NTMT1: variants seen among roughly 807,000 people sequenced by gnomAD.
The protein encoded by NTMT1 is N-terminal Xaa-Pro-Lys N-methyltransferase 1, also known as N-terminal RCC1 methyltransferase.
In NTMT1, 8 loss-of-function variants were observed where a neutral mutation model predicts 17.5. That is an observed-to-expected ratio of 0.46 (90% CI 0.27 to 0.82). The LOEUF is 0.82. Among genes scored for constraint, NTMT1 ranks in the 40% least tolerant of loss-of-function variants. The pLI is 0.15. For synonymous variants in NTMT1, 128 were observed against 126.8 expected (o/e 1.01, Z -0.06); for missense variants, 221 against 303.5 (o/e 0.73, Z 2.02).
intron 1 of NTMT1, among the ~76,000 whole-genome samples, chr9:129,619,003 C>T (rs1359214116): frequency 6.6e-6 from 1 of 151,508 alleles, no homozygotes; most frequent in Admixed American, 6.6e-5. Flanking sequence ...TGTGAGCCAC[C>T]GTGCCCTGCC....
chr9:129,621,903 A>G (rs754893041), upstream of NTMT1, among the ~76,000 whole-genome samples: 9 of 152,100 alleles, frequency 5.9e-5, no homozygotes, highest in African/African-American at 1.9e-4. Context: ...TGTAGAGCCC[A>G]TCATCCCTGC....
rs374732466 is a variant in NTMT1, at chr9:129,613,447, T to C, written c.-55+4269T>C. On this transcript the variant is annotated intron_variant, in intron 1 of 3. Coordinates refer to the NTMT1 transcript ENST00000372486. The surrounding 1 kb of genome is among the most constrained non-coding windows in gnomAD (Gnocchi z 6.2). The stretch of plus-strand genomic sequence containing the variant: ...CCTGGAGCCTCACAGGCCAGCGCAG[T>C]CCCAACACGAGGAGCTGGCCAGGGT... 8 of 1,613,716 alleles carry C rather than the reference T, an allele frequency of 5.0e-6. No individual in the cohort carries two copies. Among genetic ancestry groups the C allele is most frequent in the Non-Finnish European group, 6.8e-6 (8 of 1,179,978 alleles).
chr9:129,631,999 T>C (rs1197585748), intron 1 of NTMT1, among the ~76,000 whole-genome samples: 2 of 152,176 alleles, frequency 1.3e-5, no homozygotes, highest in Non-Finnish European at 2.9e-5. Context: ...CCGTGAGTTG[T>C]TGCTGTGCTC....
chr9:129,615,882 A>G (rs145408014), intron 1 of NTMT1, among the ~76,000 whole-genome samples: 145 of 152,386 alleles, frequency 9.5e-4, no homozygotes, highest in African/African-American at 3.4e-3. Context: ...AAACGCTGTT[A>G]TCATTCTCAT....
chr9:129,632,759 A>G lies in NTMT1; in HGVS notation c.56A>G (p.Tyr19Cys). 1 of 1,614,230 alleles carries G rather than the reference A, an allele frequency of 6.2e-7. No individual in the cohort carries two copies. The highest frequency in any genetic ancestry group is 8.5e-7 in the Non-Finnish European group (1 of 1,180,034). ...CAATTCTATTCCAAGGCCAAGACCTACTGGAAACAAATCCCACCCACGGTG... is the reference window on the plus strand; with the variant it reads ...CAATTCTATTCCAAGGCCAAGACCTGCTGGAAACAAATCCCACCCACGGTG... ...EKQFYSKAKT[Y>C]WKQIPPTVDG... The change falls in exon 2 of 4, where the codon TAC becomes TGC. Residue 19 changes from tyrosine to cysteine, a missense_variant. By Grantham distance (194) the Tyr-to-Cys change is radical (BLOSUM62 -2). Coordinates refer to ENST00000372483, the MANE Select transcript of NTMT1 (RefSeq NM_014064.4).
At chr9:129,630,403 A>C (rs1290406638) in intron 1 of NTMT1, among the ~76,000 whole-genome samples, 1 of 152,152 alleles carries the variant, frequency 6.6e-6, no homozygotes, top group Non-Finnish European at 1.5e-5. Flanking sequence ...AGCTGTACTC[A>C]AGTCTGGCGA....
chr9:129,611,335 C>T (rs1194170248), intron 1 of NTMT1, among the ~76,000 whole-genome samples: 3 of 152,202 alleles, frequency 2.0e-5, no homozygotes, highest in Non-Finnish European at 4.4e-5. Context: ...AAACTTTCTC[C>T]AGGGGGCTGG....
chr9:129,630,395 C>G (rs1831099088), intron 1 of NTMT1, among the ~76,000 whole-genome samples: 1 of 152,122 alleles, frequency 6.6e-6, no homozygotes, highest in Non-Finnish European at 1.5e-5. Flanking sequence ...ATCACCTGAG[C>G]TGTACTCAAG....
Position 129,613,556 on chromosome 9 carries a change from C to A in NTMT1, c.-55+4378C>A. 6.2e-7 allele frequency: 1 copy of A among 1,614,188 alleles called. No individual in the cohort carries two copies. Among genetic ancestry groups the A allele is most frequent in the Non-Finnish European group, 8.5e-7 (1 of 1,180,022 alleles). ...CTCCCAAACACCCGCTCGGACGCCA[C>A]TGGCAGGGCGGCCTTCTGGTTCACA... is the stretch of plus-strand genomic sequence containing the variant. On this transcript the variant is annotated intron_variant, in intron 1 of 3. Transcript: ENST00000372486. This position sits in a 1 kb window ranked among gnomAD's most constrained non-coding sequence, Gnocchi z 6.2.
Position 129,613,060 on chromosome 9 carries a change from C to T in NTMT1, c.-55+3882C>T. 4 of 1,610,054 alleles carry T rather than the reference C, an allele frequency of 2.5e-6. No individual in the cohort carries two copies. Among genetic ancestry groups the T allele is most frequent in the South Asian group, 1.1e-5 (1 of 90,496 alleles). ...GGCTGCTCCCGGAGCCAGCTGCCAG[C>T]AGGGGCTCACCAGCTTCTAGGTCCA... On this transcript the variant is annotated intron_variant, in intron 1 of 3. Transcript: ENST00000372486. The surrounding 1 kb of genome is among the most constrained non-coding windows in gnomAD (Gnocchi z 6.2).
At chr9:129,621,360 A>C (rs1007319788), upstream of NTMT1, among the ~76,000 whole-genome samples, 17 of 152,244 alleles carry the variant, frequency 1.1e-4, no homozygotes, top group African/African-American at 4.1e-4. Flanking sequence ...TTGTTGTTAA[A>C]GAGATGGGGT....
At chr9:129,610,865 C>A (rs967362078) in intron 1 of NTMT1, among the ~76,000 whole-genome samples, 5 of 152,192 alleles carry the variant, frequency 3.3e-5, no homozygotes, top group African/African-American at 1.2e-4. Flanking sequence ...GGGGACGGGG[C>A]GTGAATGTCC....
intron 1 of NTMT1, among the ~76,000 whole-genome samples, chr9:129,618,854 G>A (rs1405791808): frequency 1.1e-4 from 15 of 141,046 alleles, no homozygotes; most frequent in Admixed American, 3.7e-4. Flanking sequence ...CACCACGCCC[G>A]GCTAATTTTT....
upstream of NTMT1, among the ~76,000 whole-genome samples, chr9:129,622,701 C>T (rs1237938674): frequency 6.6e-6 from 1 of 151,848 alleles, no homozygotes; most frequent in African/African-American, 2.4e-5. Context: ...AACTCTAATC[C>T]GTTACACAGA....
Position 129,613,666 on chromosome 9 carries a change from C to T in NTMT1, c.-55+4488C>T, listed in dbSNP as rs2118855128. On this transcript the variant is annotated intron_variant, in intron 1 of 3. Transcript: ENST00000372486. The surrounding 1 kb of genome is among the most constrained non-coding windows in gnomAD (Gnocchi z 6.2). ...GCACTGGTGCCCCCACCCTCTTTTC[C>T]TCCCTCTGGCAGGCAGGGCCGGTCA... 6.3e-7 allele frequency: 1 copy of T among 1,589,918 alleles called. No individual in the cohort carries two copies. Among genetic ancestry groups the T allele is most frequent in the Non-Finnish European group, 8.6e-7 (1 of 1,165,616 alleles).
Position 129,635,544 on chromosome 9 carries a change from C to T in NTMT1, c.*80C>T, listed in dbSNP as rs1454826417. ...AGCTGGGCAAGATCCAGGCGCCACG[C>T]TGGCGGTTCGTGAGTGTCGAGGCAC... On this transcript the variant is annotated 3_prime_UTR_variant, in exon 4 of 4. Coordinates refer to ENST00000372483, the MANE Select transcript of NTMT1 (RefSeq NM_014064.4). 4 of 1,509,904 alleles carry T rather than the reference C, an allele frequency of 2.6e-6. No individual in the cohort carries two copies. The highest frequency in any genetic ancestry group is 3.6e-6 in the Non-Finnish European group (4 of 1,118,300). The allele number at this position is 1,509,904 out of a possible 1,614,324, so 93.5% of individuals were successfully genotyped here. A position where few individuals can be genotyped will look rare whatever the true frequency, so the allele number is the denominator to read the frequency against.
intron 1 of NTMT1, among the ~76,000 whole-genome samples, chr9:129,626,739 C>T (rs962019321): frequency 1.4e-4 from 21 of 152,206 alleles, no homozygotes; most frequent in African/African-American, 4.3e-4. Context: ...TCGTATTTAA[C>T]CTTGGGTGCC....
Position 129,620,056 on chromosome 9 carries a change from C to A in NTMT1, c.-55+10878C>A. ...ACTCGGGCCCGCCCCCCGGGCCCCG[C>A]GGGGCCTCACTCAGTGGCTCCGGCT... On this transcript the variant is annotated intron_variant, in intron 1 of 3. Transcript: ENST00000372486. This position sits in a 1 kb window ranked among gnomAD's most constrained non-coding sequence, Gnocchi z 5.8. 6.9e-7 allele frequency: 1 copy of A among 1,453,956 alleles called. No homozygotes were observed. The highest frequency in any genetic ancestry group is 9.1e-7 in the Non-Finnish European group (1 of 1,101,568). The allele number at this position is 1,453,956 out of a possible 1,614,324, so 90.1% of individuals were successfully genotyped here.
Position 129,635,312 on chromosome 9 carries a change from G to A in NTMT1, c.520G>A (p.Val174Met), listed in dbSNP as rs762218975. The A allele has an allele frequency of 6.2e-6, 10 of 1,613,740 alleles. No individual in the cohort carries two copies. The highest frequency in any genetic ancestry group is 5.0e-5 in the Admixed American group (3 of 60,014). ...CAAAGACAACATGGCCCAGGAGGGC[G>A]TGATTCTGGACGACGTGGACAGCAG... ...VIKDNMAQEG[V>M]ILDDVDSSVC... The change falls in exon 4 of 4, where the codon GTG (valine) becomes ATG (methionine). Residue 174 changes from valine (V) to methionine (M), a missense_variant. Physicochemically the swap from Val to Met is conservative, Grantham distance 21 (BLOSUM62 1). Coordinates refer to ENST00000372483, the MANE Select transcript of NTMT1 (RefSeq NM_014064.4).
Sources: allele counts gnomAD v4.1 joint callset (sites outside exome capture counted in the v4.1 genomes callset), GRCh38; gene constraint gnomAD v4.1.1; non-coding constraint Gnocchi (gnomAD v3.1); transcripts MANE v1.5; gene names NCBI Gene and HGNC (gene_info 2026-07-23, HGNC 2026-07-21).